Variants in SCN2A observed in about 807,000 individuals in gnomAD.
SCN2A encodes sodium channel protein type 2 subunit alpha.
In SCN2A, 20 loss-of-function variants were observed where a neutral mutation model predicts 188.7. The observed-to-expected ratio is 0.11, with a 90% confidence interval of 0.07 to 0.15. The LOEUF is 0.15. Ranked by LOEUF, SCN2A falls within the 10% of genes least tolerant of loss-of-function variation. The probability of loss-of-function intolerance (pLI) is 1.00; values close to 1 mark genes in which losing one functional copy is unlikely to be tolerated. For missense variants in SCN2A, 1,278 were observed against 2,445.0 expected, an observed-to-expected ratio of 0.52 and a Z score of 10.07; for synonymous variants, 804 against 833.1, an observed-to-expected ratio of 0.97 and a Z score of 0.60.
rs546637932 is a variant in SCN2A at position 165,265,676 on chromosome 2, A to AT, written c.-52+26042dup. On this transcript the variant is annotated intron_variant, in intron 1 of 26. Transcript: ENST00000375437. ...CTTTCCTTCAAATGAAAATCCATTC[A>AT]TTTTTTATACTGTTTGCCTGAAACA... Among the ~76,000 whole-genome samples, 552 of 150,140 alleles carry AT rather than the reference A, an allele frequency of 3.7e-3. 4 individuals are homozygous for AT. The highest frequency in any genetic ancestry group is 0.013 in the African/African-American group (522 of 40,952).
intron 17 of SCN2A, among the ~76,000 whole-genome samples, chr2:165,361,247 G>A (rs1245880582): frequency 6.6e-6 from 1 of 151,906 alleles, no homozygotes; most frequent in Non-Finnish European, 1.5e-5. Flanking sequence ...ATTCCAATGT[G>A]TATTTAGCTT....
At chr2:165,379,076 T>C (rs1049203222) in intron 23 of SCN2A, among the ~76,000 whole-genome samples, 11 of 151,828 alleles carry the variant, frequency 7.2e-5, no homozygotes, top group Admixed American at 3.3e-4. Context: ...GTTAAAGATA[T>C]TTTTTAATAC....
intron 25 of SCN2A, among the ~76,000 whole-genome samples, chr2:165,385,854 G>T (rs1211915775): frequency 6.6e-6 from 1 of 152,052 alleles, no homozygotes; most frequent in Non-Finnish European, 1.5e-5. Flanking sequence ...TTTATTAGTT[G>T]CTTAAAGTAA....
chr2:165,288,120 C>A (rs1339997809), intron 1 of SCN2A, among the ~76,000 whole-genome samples: 1 of 152,070 alleles, frequency 6.6e-6, no homozygotes, highest in African/African-American at 2.4e-5. Context: ...ATTGTTCAGC[C>A]CCTGATGCAT....
At chr2:165,316,714 G>A (rs1175381674) in intron 11 of SCN2A, among the ~76,000 whole-genome samples, 1 of 152,140 alleles carries the variant, frequency 6.6e-6, no homozygotes, top group Non-Finnish European at 1.5e-5. Context: ...GCAGGGGGCT[G>A]CATTCTTTGT....
rs1476685372 is a variant in SCN2A, at chr2:165,372,961, G to A, written c.3850-264G>A. ...TTCCTACCAAGAATCTTGAAAAAGA[G>A]CACATATATGGGCTTCTTTTTTATA... On this transcript the variant is annotated intron_variant, in intron 20 of 26. Coordinates refer to ENST00000375437, the MANE Select transcript of SCN2A (RefSeq NM_001040142.2). 2.2e-4 allele frequency: 62 copies of A among 282,002 alleles called. 1 individual carries two copies. The Admixed American group carries it at 2.8e-3, about 13-fold the overall frequency. 17.5% of individuals were successfully genotyped at this position (282,002 alleles called of 1,614,324 possible). A position where few individuals can be genotyped will look rare whatever the true frequency, so the allele number is the denominator to read the frequency against.
intron 1 of SCN2A, among the ~76,000 whole-genome samples, chr2:165,255,462 T>A (rs1694271880): frequency 6.6e-6 from 1 of 152,172 alleles, no homozygotes; most frequent in African/African-American, 2.4e-5. Flanking sequence ...CATAAGCGTA[T>A]TATTTTATAA....
chr2:165,377,727 C>A (rs1157022108), intron 23 of SCN2A, 77 bp downstream of exon 23: 2 of 1,170,246 alleles, frequency 1.7e-6, no homozygotes, highest in South Asian at 1.4e-5. Context: ...GTGATATTGT[C>A]AATAAAATAA....
In SCN2A at chr2:165,331,242, G is replaced by A. The variant is rs1415626159; in HGVS notation, c.2150-88G>A. 3.7e-6 allele frequency: 4 copies of A among 1,066,970 alleles called. No individual in the cohort carries two copies. The East Asian group carries it at 9.8e-5, about 26-fold the overall frequency. The allele number at this position is 1,066,970 out of a possible 1,614,324, so 66.1% of individuals were successfully genotyped here. On this transcript the variant is annotated intron_variant, in intron 13 of 26. Transcript: ENST00000375437. Reference sequence around the variant, plus strand: ...CCCATAATATCTTTTAACAACTTTAGATTTTTTAAATTCCTTTTAATTTAA... The same window carrying A: ...CCCATAATATCTTTTAACAACTTTAAATTTTTTAAATTCCTTTTAATTTAA...
At position 165,386,994 on chromosome 2, in the gene SCN2A, G is replaced by C; in HGVS notation, c.4800G>C (p.Val1600=). 6.2e-7 allele frequency: 1 copy of C among 1,613,628 alleles called. No homozygotes were observed. Among genetic ancestry groups the C allele is most frequent in the Non-Finnish European group, 8.5e-7 (1 of 1,179,784 alleles). The change falls in exon 26 of 27, where the codon GTG becomes GTC. Residue 1600 remains valine, a synonymous_variant. Transcript: ENST00000375437. ...FTIGWNIFDF[V]VVILSIVGMF... is the part of the protein sequence containing the mutation. ...TTGGATGGAATATTTTTGATTTTGT[G>C]GTGGTCATTCTCTCCATTGTAGGTA...
At chr2:165,350,050 C>T (rs946047860) in intron 16 of SCN2A, among the ~76,000 whole-genome samples, 4 of 152,186 alleles carry the variant, frequency 2.6e-5, no homozygotes, top group African/African-American at 4.8e-5. Context: ...ACTACTGTTT[C>T]CCAGACCAGG....
At chr2:165,242,738 G>A (rs1467732157) in intron 1 of SCN2A, among the ~76,000 whole-genome samples, 1 of 152,166 alleles carries the variant, frequency 6.6e-6, no homozygotes, top group Non-Finnish European at 1.5e-5. Context: ...GAAGTCAGTA[G>A]AGAGAAAATT....
At position 165,310,504 on chromosome 2, in the gene SCN2A, T is replaced by G. The variant is rs201685102; in HGVS notation, c.879T>G (p.Thr293=). The part of the protein sequence containing the change: ...PDNSSFEINI[T]SFFNNSLDGN... ...ATTCTTCCTTTGAAATAAATATCAC[T>G]TCCTTCTTTAACAATTCATTGGATG... Residue 293 remains threonine, a synonymous_variant, in exon 7 of 27, where the codon ACT becomes ACG. Coordinates refer to ENST00000375437, the MANE Select transcript of SCN2A (RefSeq NM_001040142.2). 1.1e-4 allele frequency: 172 copies of G among 1,613,300 alleles called. No homozygotes were observed. The highest frequency in any genetic ancestry group is 1.9e-5 in the Non-Finnish European group (22 of 1,179,480).
At chr2:165,311,578 G>A (rs1206752276) in intron 7 of SCN2A, among the ~76,000 whole-genome samples, 1 of 151,932 alleles carries the variant, frequency 6.6e-6, no homozygotes, top group Non-Finnish European at 1.5e-5. Context: ...GTTAAAATTG[G>A]CGGGAAAAAA....
chr2:165,358,418 A>T (rs1700287257), intron 17 of SCN2A, among the ~76,000 whole-genome samples: 1 of 152,178 alleles, frequency 6.6e-6, no homozygotes, highest in Non-Finnish European at 1.5e-5. Context: ...AGTTGCTAGC[A>T]GCATGGGTAT....
rs114164982 is a variant in SCN2A, at chr2:165,250,935, C to T, written c.-52+11295C>T. On this transcript the variant is annotated intron_variant, in intron 1 of 26. Transcript: ENST00000375437. ...AGATTTCTGACCTTAATTGACTCAACCAAAAAAATCTGCTTATTATTAAAG... is the reference window on the plus strand; with the variant it reads ...AGATTTCTGACCTTAATTGACTCAATCAAAAAAATCTGCTTATTATTAAAG... Among the ~76,000 whole-genome samples the T allele has an allele frequency of 9.4e-3, 1,427 of 151,690 alleles. 19 individuals carry two copies. The highest frequency in any genetic ancestry group is 0.033 in the African/African-American group (1,354 of 41,392).
intron 17 of SCN2A, among the ~76,000 whole-genome samples, chr2:165,360,435 G>A (rs1268983066): frequency 6.6e-6 from 1 of 151,806 alleles, no homozygotes; most frequent in Non-Finnish European, 1.5e-5. Context: ...AGATCATTAA[G>A]CAAAATATGA....
intron 1 of SCN2A, among the ~76,000 whole-genome samples, chr2:165,287,877 T>C (rs1384819694): frequency 6.6e-6 from 1 of 152,234 alleles, no homozygotes; most frequent in Non-Finnish European, 1.5e-5. Flanking sequence ...GTATCTGCTG[T>C]CCACAGCTCT....
intron 1 of SCN2A, among the ~76,000 whole-genome samples, chr2:165,247,484 C>A (rs1479777522): frequency 6.6e-6 from 1 of 152,174 alleles, no homozygotes; most frequent in Non-Finnish European, 1.5e-5. Context: ...CAGCTTTCAT[C>A]TTACTTGACC....
Sources: allele counts gnomAD v4.1 joint callset (sites outside exome capture counted in the v4.1 genomes callset), GRCh38; gene constraint gnomAD v4.1.1; transcripts MANE v1.5; gene names NCBI Gene and HGNC (gene_info 2026-07-23, HGNC 2026-07-21).